The following BMPER variants were observed in gnomAD, a reference collection of about 807,000 sequenced individuals.
BMPER encodes BMP-binding endothelial regulator protein.
BMPER carries 45 observed loss-of-function variants against 87.3 expected under a neutral mutation model. That is an observed-to-expected ratio of 0.52 (90% confidence interval 0.41 to 0.66). The LOEUF (loss-of-function observed/expected upper bound fraction) is 0.66. Among genes scored for constraint, BMPER ranks in the 30% least tolerant of loss-of-function variants. BMPER has a pLI of 0.00. For missense variants in BMPER, 784 were observed against 867.5 expected (o/e 0.90, Z 1.21); for synonymous variants, 326 against 316.2 (o/e 1.03, Z -0.33).
chr7:34,003,855 C>T (rs1403879211), intron 6 of BMPER, among the ~76,000 whole-genome samples: 1 of 152,094 alleles, frequency 6.6e-6, no homozygotes, highest in Non-Finnish European at 1.5e-5. Flanking sequence ...TGTCTTTCCA[C>T]ATTTCACTAT....
intron 6 of BMPER, among the ~76,000 whole-genome samples, chr7:34,003,198 T>C (rs1034009649): frequency 5.9e-5 from 9 of 151,540 alleles, no homozygotes; most frequent in South Asian, 2.1e-4. Flanking sequence ...CACACATATA[T>C]ACACACACAC....
intron 6 of BMPER, among the ~76,000 whole-genome samples, chr7:34,013,649 T>G (rs1786941442): frequency 1.3e-5 from 2 of 152,044 alleles, no homozygotes; most frequent in African/African-American, 4.8e-5. Flanking sequence ...GACATAAGTT[T>G]GATTTTCTAG....
chr7:34,134,611 C>G (rs567418917), intron 13 of BMPER, among the ~76,000 whole-genome samples: 5 of 152,250 alleles, frequency 3.3e-5, no homozygotes, highest in East Asian at 1.9e-4. Context: ...CTAAGGGTTA[C>G]TGGTTATATA....
intron 8 of BMPER, among the ~76,000 whole-genome samples, chr7:34,054,280 CCA>C (rs1228775505): frequency 6.6e-6 from 1 of 152,206 alleles, no homozygotes; most frequent in African/African-American, 2.4e-5. Context: ...CTCTCTCTCT[CCA>C]CACACACATA....
At chr7:34,054,031 G>C (rs571685983) in intron 8 of BMPER, among the ~76,000 whole-genome samples, 20 of 152,290 alleles carry the variant, frequency 1.3e-4, no homozygotes, top group Non-Finnish European at 2.4e-4. Context: ...TTCAACCTGA[G>C]AGGCTTTCCT....
chr7:34,114,926 A>G (rs2127987393), intron 13 of BMPER, among the ~76,000 whole-genome samples: 1 of 152,382 alleles, frequency 6.6e-6, no homozygotes, highest in South Asian at 2.1e-4. Context: ...ACAAAACAGT[A>G]AGAGAGAGTC....
In BMPER at chr7:33,905,541, C is replaced by T. The variant is rs1783788149; in HGVS notation, c.-73C>T. 6.3e-7 allele frequency: 1 copy of T among 1,586,212 alleles called. No individual in the cohort carries two copies. The highest frequency in any genetic ancestry group is 1.1e-5 in the South Asian group (1 of 88,868). On this transcript the variant is annotated 5_prime_UTR_variant, in exon 1 of 15. Transcript: ENST00000649409. ...CACGCCGGCTGAGAGCCCTTTTCGACTGTGAGCTGCGGCAGCTGAGCAGAG... is the reference window on the plus strand; with the variant it reads ...CACGCCGGCTGAGAGCCCTTTTCGATTGTGAGCTGCGGCAGCTGAGCAGAG...
chr7:33,990,610 C>T (rs1786181230), intron 6 of BMPER, among the ~76,000 whole-genome samples: 1 of 151,668 alleles, frequency 6.6e-6, no homozygotes, highest in Admixed American at 6.6e-5. Context: ...CCTTTATTTC[C>T]TTCTCCTGAC....
intron 2 of BMPER, among the ~76,000 whole-genome samples, chr7:33,907,231 C>A (rs578141956): frequency 6.6e-6 from 1 of 152,022 alleles, no homozygotes; most frequent in African/African-American, 2.4e-5. Context: ...CTTGGGACAA[C>A]AAAACTTTCT....
intron 13 of BMPER, among the ~76,000 whole-genome samples, chr7:34,117,465 A>G (rs1261235702): frequency 6.6e-6 from 1 of 152,162 alleles, no homozygotes; most frequent in Non-Finnish European, 1.5e-5. Context: ...AAAAAGTAAT[A>G]ACTAATAGAA....
At chr7:34,017,432 G>A (rs1290042609) in intron 6 of BMPER, among the ~76,000 whole-genome samples, 1 of 151,754 alleles carries the variant, frequency 6.6e-6, no homozygotes, top group Non-Finnish European at 1.5e-5. Context: ...TGTGTGGGGA[G>A]CTCCCATTTA....
rs114904403 is a variant in BMPER at position 34,140,815 on chromosome 7, G to T, written c.1746-2415G>T. Among the ~76,000 whole-genome samples, 196 of 152,334 alleles carry T rather than the reference G, an allele frequency of 1.3e-3. No individual in the cohort carries two copies. In the Middle Eastern group the frequency reaches 0.014, roughly 11 times the overall value. On this transcript the variant is annotated intron_variant, in intron 13 of 14. Transcript: ENST00000649409. ...GTCCATGGAATTTTACAGAATTACA[G>T]TAGACATTCACTCAAATCCGGGGAC...
intron 6 of BMPER, among the ~76,000 whole-genome samples, chr7:33,976,068 C>T (rs1394501058): frequency 6.6e-6 from 1 of 152,156 alleles, no homozygotes; most frequent in East Asian, 1.9e-4. Context: ...GTAATGTACT[C>T]ATGAAAATGA....
In BMPER at chr7:34,000,414, T is replaced by A. The variant is rs555743602; in HGVS notation, c.576+25630T>A. Reference sequence around the variant, plus strand: ...TGGGGAAATTTGAAGGTTGACTATATATTAGATGATAGTACTATATTAATA... The same window carrying A: ...TGGGGAAATTTGAAGGTTGACTATAAATTAGATGATAGTACTATATTAATA... On this transcript the variant is annotated intron_variant, in intron 6 of 14. Coordinates refer to ENST00000649409, the MANE Select transcript of BMPER (RefSeq NM_001365308.1). Among the ~76,000 whole-genome samples, 25 of 152,318 alleles carry A rather than the reference T, an allele frequency of 1.6e-4. No homozygotes were observed. The South Asian group carries it at 5.0e-3, about 30-fold the overall frequency.
chr7:33,927,316 A>G (rs1784384704), intron 2 of BMPER, among the ~76,000 whole-genome samples: 1 of 152,156 alleles, frequency 6.6e-6, no homozygotes, highest in Non-Finnish European at 1.5e-5. Flanking sequence ...TGGTGGGTTC[A>G]CTGTAGGTAC....
intron 11 of BMPER, among the ~76,000 whole-genome samples, chr7:34,073,962 C>T (rs1788798927): frequency 6.6e-6 from 1 of 152,172 alleles, no homozygotes; most frequent in African/African-American, 2.4e-5. Flanking sequence ...GTGAGGGGGG[C>T]CAGCACTGGG....
At chr7:34,144,704 G>T (rs1473658135) in intron 14 of BMPER, among the ~76,000 whole-genome samples, 1 of 152,102 alleles carries the variant, frequency 6.6e-6, no homozygotes, top group East Asian at 1.9e-4. Context: ...TCAGTCAAGG[G>T]TAGCTGCTGT....
intron 6 of BMPER, among the ~76,000 whole-genome samples, chr7:34,028,633 T>TTTTG (rs1787439585): frequency 7.7e-6 from 1 of 129,876 alleles, no homozygotes; most frequent in Non-Finnish European, 1.6e-5. Flanking sequence ...TTTTTTTTTT[T>TTTTG]GTAGCATTAC....
intron 6 of BMPER, among the ~76,000 whole-genome samples, chr7:33,987,808 C>T (rs1191177141): frequency 6.6e-6 from 1 of 152,056 alleles, no homozygotes; most frequent in South Asian, 2.1e-4. Context: ...AAACCTCTGA[C>T]TATTGCTAGA....
Sources: allele counts gnomAD v4.1 joint callset (sites outside exome capture counted in the v4.1 genomes callset), GRCh38; gene constraint gnomAD v4.1.1; transcripts MANE v1.5; gene names NCBI Gene and HGNC (gene_info 2026-07-23, HGNC 2026-07-21).